FOXP1: variants seen among roughly 807,000 people sequenced by gnomAD.
FOXP1 encodes forkhead box protein P1.
FOXP1 carries 15 observed loss-of-function variants against 98.2 expected under a neutral mutation model. The ratio of observed to expected loss-of-function variants is 0.15; its 90% CI spans 0.10 to 0.24. The LOEUF (loss-of-function observed/expected upper bound fraction) is 0.24. Ranked by LOEUF, FOXP1 falls within the 10% of genes least tolerant of loss-of-function variation. The probability of loss-of-function intolerance (pLI) is 1.00; values close to 1 mark genes in which losing one functional copy is unlikely to be tolerated. For missense variants in FOXP1, 633 were observed against 848.5 expected (o/e 0.75, Z 3.15); for synonymous variants, 371 against 314.5 (o/e 1.18, Z -1.90).
At chr3:71,319,462 G>T (rs903199091) in intron 4 of FOXP1, among the ~76,000 whole-genome samples, 1 of 152,052 alleles carries the variant, frequency 6.6e-6, no homozygotes, top group African/African-American at 2.4e-5. Flanking sequence ...TTTAAAAAAA[G>T]ATTTAAATTA....
intron 6 of FOXP1, among the ~76,000 whole-genome samples, chr3:71,173,585 AAATTCAGTG>A (rs1277374716): frequency 9.8e-5 from 15 of 152,338 alleles, no homozygotes; most frequent in African/African-American, 3.6e-4. Context: ...TTCCAGTTAG[AAATTCAGTG>A]AAAGGCAACT....
chr3:71,536,185 C>T (rs2044275347), intron 2 of FOXP1, among the ~76,000 whole-genome samples: 1 of 152,288 alleles, frequency 6.6e-6, no homozygotes, highest in Admixed American at 6.5e-5. Flanking sequence ...CATGATCCCA[C>T]TCTAAATCAT....
chr3:71,072,706 G>T lies in FOXP1; in HGVS notation c.283-18933C>A, dbSNP rs1413490374. On this transcript the variant is annotated intron_variant, in intron 7 of 20. Transcript: ENST00000649528. The stretch of plus-strand genomic sequence containing the variant: ...TGGTTCTTTTATTTCAACCATGCCT[G>T]CTTTCACCAAAAAAGATTTCTGAAT... Among the ~76,000 whole-genome samples the T allele has an allele frequency of 2.6e-5, 4 of 152,138 alleles. No homozygotes were observed. In the East Asian group the frequency reaches 7.7e-4, roughly 29 times the overall value.
At chr3:71,544,045 A>ATG (rs1263828929) in intron 2 of FOXP1, among the ~76,000 whole-genome samples, 1 of 151,890 alleles carries the variant, frequency 6.6e-6, no homozygotes, top group African/African-American at 2.4e-5. Flanking sequence ...ACACACATAT[A>ATG]TGTGTGTATA....
At chr3:70,999,150 C>T (rs375434277) in intron 13 of FOXP1, among the ~76,000 whole-genome samples, 7 of 152,090 alleles carry the variant, frequency 4.6e-5, no homozygotes, top group East Asian at 1.9e-4. Context: ...AGTGCAGTGG[C>T]GCGACCTTGG....
intron 6 of FOXP1, among the ~76,000 whole-genome samples, chr3:71,123,645 C>G (rs149703674): frequency 3.3e-5 from 5 of 152,348 alleles, no homozygotes; most frequent in African/African-American, 1.2e-4. Context: ...CACTTCACCT[C>G]CATCTAAGTG....
intron 6 of FOXP1, among the ~76,000 whole-genome samples, chr3:71,182,244 G>A (rs73106155): frequency 0.15 from 23,289 of 151,782 alleles, 2,374 homozygotes; most frequent in Middle Eastern, 0.31. Flanking sequence ...AAGTGGTAGC[G>A]GAAAACTTAA....
chr3:71,329,508 C>T (rs543902282), intron 4 of FOXP1, among the ~76,000 whole-genome samples: 187 of 151,638 alleles, frequency 1.2e-3, no homozygotes, highest in Admixed American at 3.8e-3. Context: ...CATAAGCCAC[C>T]GCGCCCGGCC....
intron 5 of FOXP1, among the ~76,000 whole-genome samples, chr3:71,236,713 C>T (rs1230920141): frequency 6.6e-6 from 1 of 151,498 alleles, no homozygotes; most frequent in African/African-American, 2.4e-5. Flanking sequence ...CCACAAGAGA[C>T]AATAAAAATC....
intron 11 of FOXP1, among the ~76,000 whole-genome samples, chr3:71,038,579 T>A (rs771978472): frequency 2.6e-4 from 40 of 152,194 alleles, no homozygotes; most frequent in Non-Finnish European, 4.9e-4. Context: ...ACGTGATTTT[T>A]AAATTAAGCC....
intron 3 of FOXP1, among the ~76,000 whole-genome samples, chr3:71,480,424 T>G (rs997588213): frequency 7.9e-5 from 12 of 152,248 alleles, no homozygotes; most frequent in Middle Eastern, 3.2e-3. Flanking sequence ...AGACAATTTA[T>G]AATTCTTTAT....
chr3:71,278,741 C>T (rs535665947), intron 5 of FOXP1, among the ~76,000 whole-genome samples: 144 of 152,338 alleles, frequency 9.5e-4, no homozygotes, highest in African/African-American at 3.2e-3. Context: ...GAGATCATGC[C>T]ACTGTACTCC....
rs2085433210 is a variant in FOXP1, at chr3:71,437,029, ACTTGGT to A, written c.-168+56391_-168+56396del. On this transcript the variant is annotated intron_variant, in intron 3 of 20. Transcript: ENST00000649528. ...TACATACAAAGCTGATTGAGAACAA[ACTTGGT>A]ATTACCATTCTGAAAAACAGAAAGC... 2.0e-5 allele frequency among the ~76,000 whole-genome samples: 3 copies of A among 152,172 alleles called. No individual in the cohort carries two copies. In the South Asian group the frequency reaches 6.2e-4, roughly 32 times the overall value.
chr3:71,540,764 GAAT>G (rs1445008133), intron 2 of FOXP1, among the ~76,000 whole-genome samples: 1 of 152,182 alleles, frequency 6.6e-6, no homozygotes, highest in Non-Finnish European at 1.5e-5. Flanking sequence ...GCACTATGCT[GAAT>G]ATGTATGAAT....
intron 4 of FOXP1, among the ~76,000 whole-genome samples, chr3:71,324,881 A>C (rs2075593766): frequency 6.6e-6 from 1 of 152,166 alleles, no homozygotes; most frequent in African/African-American, 2.4e-5. Context: ...CATGCTAATG[A>C]GCAAAACAGC....
chr3:71,142,826 C>G (rs966982287), intron 6 of FOXP1, among the ~76,000 whole-genome samples: 8 of 152,122 alleles, frequency 5.3e-5, no homozygotes, highest in African/African-American at 1.9e-4. Context: ...TGTTATGCAA[C>G]AACAAAAAAC....
chr3:71,573,466 A>C (rs1315586099), intron 2 of FOXP1: 3 of 151,612 alleles, frequency 2.0e-5, no homozygotes, highest in Non-Finnish European at 4.4e-5. Flanking sequence ...ACTTGCTTCT[A>C]CAAGTATAAG....
Position 71,510,084 on chromosome 3 carries a change from G to A in FOXP1, c.-297-16529C>T, listed in dbSNP as rs994788660. Among the ~76,000 whole-genome samples, 5 of 152,318 alleles carry A rather than the reference G, an allele frequency of 3.3e-5. No homozygotes were observed. The East Asian group carries it at 9.6e-4, about 29-fold the overall frequency. ...TAATCCCAGCTACCAGGGAGGCTGA[G>A]GCAGGAGAATCGCTTGAACCCCGGA... is the stretch of plus-strand genomic sequence containing the variant. On this transcript the variant is annotated intron_variant, in intron 2 of 20. Coordinates refer to ENST00000649528, the MANE Select transcript of FOXP1 (RefSeq NM_001349338.3).
intron 6 of FOXP1, among the ~76,000 whole-genome samples, chr3:71,125,860 T>C (rs1389205614): frequency 6.6e-6 from 1 of 152,202 alleles, no homozygotes; most frequent in Non-Finnish European, 1.5e-5. Context: ...AATCACTGTG[T>C]CTGGATTTGA....
Sources: gnomAD v4.1 joint callset for allele counts (sites outside exome capture counted in the v4.1 genomes callset) on GRCh38, gnomAD v4.1.1 for gene constraint, MANE v1.5 for transcripts, NCBI Gene and HGNC (gene_info 2026-07-23, HGNC 2026-07-21) for gene names.